The following LVRN variants were observed in gnomAD, a reference collection of about 807,000 sequenced individuals.
LVRN encodes the protein laeverin.
A neutral mutation model predicts 111.4 loss-of-function variants in LVRN; 99 were observed. That is an observed-to-expected ratio of 0.89 (90% CI 0.76 to 1.05). The LOEUF is 1.05. Among genes scored for constraint, LVRN ranks in the 50% least tolerant of loss-of-function variants. The pLI is 0.00. For missense variants in LVRN, 1,414 were observed against 1,206.8 expected, an observed-to-expected ratio of 1.17 and a Z score of -2.54; for synonymous variants, 488 against 449.5, an observed-to-expected ratio of 1.09 and a Z score of -1.08.
At chr5:116,024,581 C>T (rs1362790687) in intron 19 of LVRN, among the ~76,000 whole-genome samples, 1 of 152,176 alleles carries the variant, frequency 6.6e-6, no homozygotes, top group Non-Finnish European at 1.5e-5. Context: ...TACAAAAGCT[C>T]CGCGAATCAA....
At chr5:115,990,225 T>G (rs1308507633) in intron 4 of LVRN, among the ~76,000 whole-genome samples, 1 of 152,198 alleles carries the variant, frequency 6.6e-6, no homozygotes, top group African/African-American at 2.4e-5. Flanking sequence ...GCTAGGTGTT[T>G]GGGTTATTAT....
rs750476156 is a variant in LVRN at position 115,962,724 on chromosome 5, T to G, written c.107T>G (p.Leu36Trp). Reference protein sequence around the residue: ...LLLALAVLAALYGHCERVPPS... With the variant: ...LLLALAVLAAWYGHCERVPPS... ...CTGGCGCTGGCCGTACTCGCCGCCT[T>G]GTACGGCCACTGCGAGCGCGTCCCA... is the stretch of plus-strand genomic sequence containing the variant. The change falls in exon 1 of 20, where the codon TTG becomes TGG. Residue 36 changes from leucine to tryptophan, a missense_variant. Coordinates refer to ENST00000357872, the MANE Select transcript of LVRN (RefSeq NM_173800.5). 6.2e-6 allele frequency: 10 copies of G among 1,612,034 alleles called. No individual in the cohort carries two copies. In the South Asian group the frequency reaches 1.1e-4, roughly 18 times the overall value.
At chr5:116,007,808 G>A (rs1748408729) in intron 13 of LVRN, among the ~76,000 whole-genome samples, 1 of 152,110 alleles carries the variant, frequency 6.6e-6, no homozygotes, top group Admixed American at 6.6e-5. Flanking sequence ...TATGTCTCTG[G>A]GTCACATTTT....
chr5:115,990,819 G>A (rs144559191), intron 4 of LVRN, among the ~76,000 whole-genome samples: 17 of 152,190 alleles, frequency 1.1e-4, no homozygotes, highest in African/African-American at 3.1e-4. Context: ...TGATCCGTCC[G>A]CCTAGCCCTC....
intron 4 of LVRN, among the ~76,000 whole-genome samples, chr5:115,990,962 C>A (rs1357715557): frequency 6.6e-6 from 1 of 152,122 alleles, no homozygotes; most frequent in African/African-American, 2.4e-5. Flanking sequence ...CATATATTCT[C>A]TCTTTCCTTT....
At chr5:116,010,009 A>C (rs1748452810) in intron 13 of LVRN, among the ~76,000 whole-genome samples, 1 of 152,214 alleles carries the variant, frequency 6.6e-6, no homozygotes, top group Non-Finnish European at 1.5e-5. Flanking sequence ...TTGTGAAAGG[A>C]AATTGAGCAA....
chr5:115,966,062 A>T (rs1255470844), intron 1 of LVRN, among the ~76,000 whole-genome samples: 1 of 152,250 alleles, frequency 6.6e-6, no homozygotes, highest in Non-Finnish European at 1.5e-5. Flanking sequence ...TAATTATAGT[A>T]CAATATCAAA....
Position 116,026,196 on chromosome 5 carries a change from A to C in LVRN, c.*78A>C. 1 of 1,568,098 alleles carries C rather than the reference A, an allele frequency of 6.4e-7. No homozygotes were observed. Among genetic ancestry groups the C allele is most frequent in the Non-Finnish European group, 8.7e-7 (1 of 1,150,878 alleles). On this transcript the variant is annotated 3_prime_UTR_variant, in exon 20 of 20. Transcript: ENST00000357872. ...CAGTTTTGTCTTCCAATACTTTGTG[A>C]GTCTGGAAAACCACACATTTTATTT...
Position 116,027,264 on chromosome 5 carries a change from A to G in LVRN, c.*1146A>G, listed in dbSNP as rs1299393958. On this transcript the variant is annotated 3_prime_UTR_variant, in exon 20 of 20. Coordinates refer to ENST00000357872, the MANE Select transcript of LVRN (RefSeq NM_173800.5). ...TTGTAGAATGGGGGTAAAACTACAA[A>G]TCTCCTCCTCAGGGTGATATTTTTA... The G allele has an allele frequency of 6.6e-6, 1 of 152,186 alleles. No homozygotes were observed. Among genetic ancestry groups the G allele is most frequent in the East Asian group, 1.9e-4 (1 of 5,206 alleles). 9.4% of individuals were successfully genotyped at this position (152,186 alleles called of 1,614,324 possible).
intron 5 of LVRN, among the ~76,000 whole-genome samples, chr5:115,993,300 A>T (rs941467458): frequency 6.6e-6 from 1 of 152,128 alleles, no homozygotes; most frequent in African/African-American, 2.4e-5. Flanking sequence ...GCACAGATCA[A>T]ATTATTTTCT....
chr5:115,984,344 A>G (rs1304929533), intron 2 of LVRN, among the ~76,000 whole-genome samples: 1 of 152,076 alleles, frequency 6.6e-6, no homozygotes. Context: ...TTGGCCCTCA[A>G]TCAAGTCTAT....
intron 18 of LVRN, among the ~76,000 whole-genome samples, chr5:116,019,723 C>T (rs1419604691): frequency 1.3e-5 from 2 of 152,172 alleles, no homozygotes; most frequent in Admixed American, 6.5e-5. Flanking sequence ...AGGGGCTTTG[C>T]GCCCCTCCCA....
chr5:115,983,537 C>CACCATACTATAATTAGGTAGACTATAT, intron 2 of LVRN, 108 bp downstream of exon 2: 1 of 1,237,790 alleles, frequency 8.1e-7, no homozygotes, highest in Non-Finnish European at 1.1e-6. Flanking sequence ...ATTATAATTA[C>CACCATACTATAATTAGGTAGACTATAT]AGTCTACTAT....
At chr5:115,993,913 A>G (rs1748050742) in intron 6 of LVRN, 59 bp downstream of exon 6, 3 of 999,184 alleles carry the variant, frequency 3.0e-6, no homozygotes, top group Non-Finnish European at 4.4e-6. Context: ...AGTAATGCAT[A>G]TTCATTCTTG....
intron 10 of LVRN, among the ~76,000 whole-genome samples, chr5:116,002,043 A>G (rs1748248379): frequency 1.3e-5 from 2 of 152,228 alleles, no homozygotes; most frequent in African/African-American, 4.8e-5. Flanking sequence ...TTTCAAATAC[A>G]ATCACCAAAA....
chr5:115,977,021 C>T (rs1753463411), intron 1 of LVRN, among the ~76,000 whole-genome samples: 1 of 152,172 alleles, frequency 6.6e-6, no homozygotes. Flanking sequence ...TTTCAATACT[C>T]TGGCTTGAGA....
At position 115,982,404 on chromosome 5, in the gene LVRN, T is replaced by C. The variant is rs139602850; in HGVS notation, c.696-883T>C. ...GCAAAAACAAATGTATCAGAGACTT[T>C]AAGTCTCAGGATCTTGGTTGAAAAA... On this transcript the variant is annotated intron_variant, in intron 1 of 19. Coordinates refer to ENST00000357872, the MANE Select transcript of LVRN (RefSeq NM_173800.5). Among the ~76,000 whole-genome samples the C allele has an allele frequency of 2.9e-3, 449 of 152,304 alleles. 1 individual carries two copies. Among genetic ancestry groups the C allele is most frequent in the Non-Finnish European group, 3.5e-3 (241 of 68,016 alleles).
intron 12 of LVRN, among the ~76,000 whole-genome samples, chr5:116,004,587 G>A (rs78947823): frequency 0.012 from 1,811 of 152,122 alleles, 40 homozygotes; most frequent in African/African-American, 0.042. Context: ...TGGCACATTC[G>A]AGCCAAATCT....
chr5:116,006,040 T>A, intron 13 of LVRN, 73 bp downstream of exon 13: 2 of 1,258,752 alleles, frequency 1.6e-6, no homozygotes, highest in Non-Finnish European at 2.3e-6. Flanking sequence ...GCTTCATCAC[T>A]ATGAATTTGA....
Sources: gnomAD v4.1 joint callset for allele counts (sites outside exome capture counted in the v4.1 genomes callset) on GRCh38, gnomAD v4.1.1 for gene constraint, MANE v1.5 for transcripts, NCBI Gene and HGNC (gene_info 2026-07-23, HGNC 2026-07-21) for gene names.